ATRNL1: variants seen among roughly 807,000 people sequenced by gnomAD.
ATRNL1 encodes the protein attractin-like protein 1.
In ATRNL1, 95 loss-of-function variants were observed where a neutral mutation model predicts 182.7. That is an observed-to-expected ratio of 0.52 (90% CI 0.44 to 0.62). The LOEUF (loss-of-function observed/expected upper bound fraction) is 0.62. ATRNL1 is among the 20% of genes least tolerant of loss of function. ATRNL1 has a pLI of 0.00. For synonymous variants in ATRNL1, 576 were observed against 568.3 expected (o/e 1.01, Z -0.19); for missense variants, 1,471 against 1,679.5 (o/e 0.88, Z 2.17).
chr10:115,823,739 C>T (rs551444387), intron 27 of ATRNL1, among the ~76,000 whole-genome samples: 2 of 152,278 alleles, frequency 1.3e-5, no homozygotes, highest in African/African-American at 4.8e-5. Flanking sequence ...AGGACCTCTT[C>T]AAGGAGAACG....
At chr10:115,713,730 A>G (rs1404483467) in intron 26 of ATRNL1, among the ~76,000 whole-genome samples, 2 of 151,642 alleles carry the variant, frequency 1.3e-5, no homozygotes, top group African/African-American at 2.4e-5. Context: ...CTATCTATCT[A>G]TCTATCTATC....
At chr10:115,257,689 T>A (rs1851213509) in intron 10 of ATRNL1, among the ~76,000 whole-genome samples, 1 of 152,222 alleles carries the variant, frequency 6.6e-6, no homozygotes, top group Non-Finnish European at 1.5e-5. Flanking sequence ...ATTGATGCAG[T>A]TTCTTTGTAG....
intron 26 of ATRNL1, among the ~76,000 whole-genome samples, chr10:115,642,989 G>A (rs1230687754): frequency 1.3e-5 from 2 of 152,122 alleles, no homozygotes; most frequent in Admixed American, 1.3e-4. Flanking sequence ...GCAGCTAGTG[G>A]ATAGAGGCTA....
chr10:115,451,822 G>A (rs1847296785), intron 21 of ATRNL1, among the ~76,000 whole-genome samples: 1 of 152,086 alleles, frequency 6.6e-6, no homozygotes, highest in Non-Finnish European at 1.5e-5. Context: ...AATGTCCACT[G>A]CAGCACTGTT....
chr10:115,334,412 G>A lies in ATRNL1; in HGVS notation c.3168G>A (p.Gln1056=). 2 of 1,555,470 alleles carry A rather than the reference G, an allele frequency of 1.3e-6. No homozygotes were observed. The highest frequency in any genetic ancestry group is 1.7e-4 in the Middle Eastern group (1 of 5,800). The change falls in exon 19 of 29, where the codon CAG becomes CAA. Residue 1056 remains glutamine, a synonymous_variant. Transcript: ENST00000355044. ...GYYGDPTNGG[Q]CTACTCSGHA... ...ATGGAGATCCAACCAATGGTGGACA[G>A]TGCACAGGTAAGTTTCTTTTAAGCA...
At chr10:115,256,471 A>G (rs1682532971) in intron 10 of ATRNL1, among the ~76,000 whole-genome samples, 1 of 151,638 alleles carries the variant, frequency 6.6e-6, no homozygotes, top group African/African-American at 2.4e-5. Context: ...TTTCTTTGGG[A>G]TCTGTGGTGA....
At chr10:115,891,641 ACT>A (rs1478817194) in intron 28 of ATRNL1, among the ~76,000 whole-genome samples, 5 of 151,936 alleles carry the variant, frequency 3.3e-5, no homozygotes, top group African/African-American at 4.8e-5. Flanking sequence ...TTTTAAAATG[ACT>A]CTTCTCCAAA....
In ATRNL1 at chr10:115,302,063, G is replaced by A. The variant is rs1554924771; in HGVS notation, c.2818+20G>A. ...GCTCCCGTAAGTATTTATCTAGAGT[G>A]ACTTTTCACTTGACAGCAACGTAAA... On this transcript the variant is annotated intron_variant, in intron 17 of 28. Coordinates refer to ENST00000355044, the MANE Select transcript of ATRNL1 (RefSeq NM_207303.4). 2 of 1,570,150 alleles carry A rather than the reference G, an allele frequency of 1.3e-6. No homozygotes were observed. The highest frequency in any genetic ancestry group is 3.6e-5 in the Admixed American group (2 of 55,072).
rs548664110 is a variant in ATRNL1, at chr10:115,770,872, A to T, written c.3903+43517A>T. On this transcript the variant is annotated intron_variant, in intron 27 of 28. Coordinates refer to ENST00000355044, the MANE Select transcript of ATRNL1 (RefSeq NM_207303.4). ...TTCTCATTATACCTACATGTTCAGT[A>T]TAAAATATGAAAAATATCCAAAACG... 1.1e-4 allele frequency among the ~76,000 whole-genome samples: 16 copies of T among 152,344 alleles called. No homozygotes were observed. The South Asian group carries it at 3.3e-3, about 32-fold the overall frequency.
intron 19 of ATRNL1, among the ~76,000 whole-genome samples, chr10:115,378,739 A>T (rs1194474213): frequency 6.6e-6 from 1 of 152,202 alleles, no homozygotes; most frequent in Non-Finnish European, 1.5e-5. Context: ...GAAGCATAGA[A>T]TTTTAAATTA....
At chr10:115,688,683 T>C (rs1946296458) in intron 26 of ATRNL1, among the ~76,000 whole-genome samples, 1 of 152,162 alleles carries the variant, frequency 6.6e-6, no homozygotes. Flanking sequence ...TGTTGAGTTG[T>C]TTGAGTTCCT....
At chr10:115,676,211 T>C (rs1266475674) in intron 26 of ATRNL1, among the ~76,000 whole-genome samples, 2 of 152,084 alleles carry the variant, frequency 1.3e-5, no homozygotes, top group African/African-American at 4.8e-5. Context: ...CACAAAACTT[T>C]AATCACAAAA....
At chr10:115,743,106 C>T (rs1948185543) in intron 27 of ATRNL1, among the ~76,000 whole-genome samples, 1 of 151,926 alleles carries the variant, frequency 6.6e-6, no homozygotes, top group East Asian at 1.9e-4. Context: ...TAGAGGTAAC[C>T]ACTCCATGAT....
At chr10:115,396,952 G>A (rs934856948) in intron 20 of ATRNL1, among the ~76,000 whole-genome samples, 43 of 151,930 alleles carry the variant, frequency 2.8e-4, no homozygotes, top group African/African-American at 1.0e-3. Flanking sequence ...CTCATTTATG[G>A]CTTTTTATGA....
chr10:115,203,213 A>C (rs1296076243), intron 8 of ATRNL1, among the ~76,000 whole-genome samples: 2 of 152,150 alleles, frequency 1.3e-5, no homozygotes, highest in Admixed American at 1.3e-4. Context: ...GCCATCTACA[A>C]GTATAAAAGT....
At chr10:115,727,382 C>A (rs1555060576) in intron 27 of ATRNL1, 27 bp downstream of exon 27, 1 of 1,543,358 alleles carries the variant, frequency 6.5e-7, no homozygotes, top group Non-Finnish European at 9.0e-7. Flanking sequence ...TGAAAGAGGA[C>A]CACTGTGCTT....
chr10:115,255,614 T>C (rs1359585357), intron 10 of ATRNL1, among the ~76,000 whole-genome samples: 1 of 152,196 alleles, frequency 6.6e-6, no homozygotes, highest in African/African-American at 2.4e-5. Context: ...CATTTCCTAA[T>C]TGAATACCCT....
At chr10:115,766,591 A>T (rs1229291645) in intron 27 of ATRNL1, among the ~76,000 whole-genome samples, 1 of 152,176 alleles carries the variant, frequency 6.6e-6, no homozygotes, top group African/African-American at 2.4e-5. Flanking sequence ...ATTTTGATGG[A>T]ACTTTGCTGT....
intron 18 of ATRNL1, among the ~76,000 whole-genome samples, chr10:115,318,877 A>C (rs1854440386): frequency 6.6e-6 from 1 of 151,796 alleles, no homozygotes; most frequent in Non-Finnish European, 1.5e-5. Context: ...AGGGTTTTTC[A>C]TGTCTCTATC....
Sources: gnomAD v4.1 joint callset for allele counts (sites outside exome capture counted in the v4.1 genomes callset) on GRCh38, gnomAD v4.1.1 for gene constraint, MANE v1.5 for transcripts, NCBI Gene and HGNC (gene_info 2026-07-23, HGNC 2026-07-21) for gene names.